The following DRP2 variants were observed in gnomAD, a reference collection of about 807,000 sequenced individuals.
DRP2 encodes the protein dystrophin-related protein 2.
DRP2 carries 29 observed loss-of-function variants against 78.2 expected under a neutral mutation model. The observed-to-expected ratio is 0.37, with a 90% confidence interval of 0.28 to 0.51. The LOEUF is 0.51. DRP2 is among the 20% of genes least tolerant of loss of function. DRP2 has a pLI of 0.94. For synonymous variants in DRP2, 290 were observed against 281.9 expected, an observed-to-expected ratio of 1.03 and a Z score of -0.29; for missense variants, 686 against 770.6, an observed-to-expected ratio of 0.89 and a Z score of 1.30.
At chrX:101,224,179 TGG>T (rs766472312) in intron 1 of DRP2, among the ~76,000 whole-genome samples, 1 of 70,126 alleles carries the variant, frequency 1.4e-5, no homozygotes, top group Non-Finnish European at 2.6e-5. Context: ...AAATGTTTGC[TGG>T]GTTTTTTTTG....
chrX:101,233,303 GC>G (rs1942526615), intron 3 of DRP2, among the ~76,000 whole-genome samples: 1 of 111,518 alleles, frequency 9.0e-6, no homozygotes, highest in South Asian at 3.8e-4. Flanking sequence ...GTCACAAGGG[GC>G]TTTTTCTAAC....
intron 17 of DRP2, among the ~76,000 whole-genome samples, chrX:101,253,992 A>T (rs930815427): frequency 6.4e-5 from 7 of 109,949 alleles, no homozygotes; most frequent in African/African-American, 1.0e-4. Context: ...TTTAAAGTAT[A>T]AAAAAAAGGC....
intron 1 of DRP2, among the ~76,000 whole-genome samples, chrX:101,224,220 T>TTTC (rs1569507531): frequency 7.1e-5 from 6 of 83,994 alleles, no homozygotes; most frequent in African/African-American, 2.3e-4. Flanking sequence ...TTTTTTTTTT[T>TTTC]TGAGATGGAG....
intron 9 of DRP2, among the ~76,000 whole-genome samples, chrX:101,243,664 CA>C (rs1922821043): frequency 8.9e-6 from 1 of 111,905 alleles, no homozygotes; most frequent in Admixed American, 9.5e-5. Context: ...CATCAGTAAA[CA>C]AAACACACAG....
chrX:101,263,084 C>T lies in DRP2; in HGVS notation c.*2463C>T, dbSNP rs1923619892. 1 of 111,427 alleles carries T rather than the reference C, an allele frequency of 9.0e-6. No homozygotes were observed. Among genetic ancestry groups the T allele is most frequent in the Non-Finnish European group, 1.9e-5 (1 of 53,099 alleles). 9.2% of individuals were successfully genotyped at this position (111,427 alleles called of 1,213,427 possible). ...CAGCAGGTCAAGAGTTGAATTCTCA[C>T]TAAGGGGTCACTGACATTTTGTGGT... On this transcript the variant is annotated 3_prime_UTR_variant, in exon 24 of 24. Transcript: ENST00000395209.
intron 11 of DRP2, among the ~76,000 whole-genome samples, chrX:101,245,814 G>T (rs1291092707): frequency 8.9e-6 from 1 of 111,808 alleles, no homozygotes; most frequent in Non-Finnish European, 1.9e-5. Flanking sequence ...ATACAAGATG[G>T]ATAAGTCCTA....
Position 101,226,325 on chromosome X carries a change from C to G in DRP2, c.-64+1619C>G, listed in dbSNP as rs770044212. Among the ~76,000 whole-genome samples the G allele has an allele frequency of 3.6e-5, 4 of 112,046 alleles. No homozygotes were observed. The South Asian group carries it at 1.5e-3, about 41-fold the overall frequency. ...TGCTGACATTGTACTTATTATTGTA[C>G]TTGTTTCAAATGCTAACATTGTACA... On this transcript the variant is annotated intron_variant, in intron 2 of 23. Transcript: ENST00000395209.
chrX:101,249,765 A>G (rs1923064878), intron 14 of DRP2, among the ~76,000 whole-genome samples: 1 of 111,621 alleles, frequency 9.0e-6, no homozygotes. Flanking sequence ...CCTCTGGAGG[A>G]GGTTTGCTAA....
chrX:101,243,994 A>G (rs1008378652), intron 9 of DRP2, among the ~76,000 whole-genome samples: 2 of 111,893 alleles, frequency 1.8e-5, no homozygotes, highest in African/African-American at 3.3e-5. Flanking sequence ...TGTCCAAGAA[A>G]CAGTAAGGAG....
At position 101,263,140 on chromosome X, in the gene DRP2, G is replaced by A. The variant is rs141938390; in HGVS notation, c.*2519G>A. 1.6e-4 allele frequency: 18 copies of A among 111,996 alleles called. No individual in the cohort carries two copies. In the East Asian group the frequency reaches 4.5e-3, roughly 28 times the overall value. 9.2% of individuals were successfully genotyped at this position (111,996 alleles called of 1,213,427 possible). A position where few individuals can be genotyped will look rare whatever the true frequency, so the allele number is the denominator to read the frequency against. Reference sequence around the variant, plus strand: ...GTTTACCTTAATGCCTAAGGTGAGTGTATTGTTCAAGGGTCCAGGGACAGT... The same window carrying A: ...GTTTACCTTAATGCCTAAGGTGAGTATATTGTTCAAGGGTCCAGGGACAGT... On this transcript the variant is annotated 3_prime_UTR_variant, in exon 24 of 24. Coordinates refer to ENST00000395209, the MANE Select transcript of DRP2 (RefSeq NM_001939.3).
chrX:101,233,071 A>C (rs996993756), intron 3 of DRP2, among the ~76,000 whole-genome samples: 1 of 112,297 alleles, frequency 8.9e-6, no homozygotes, highest in Admixed American at 9.4e-5. Flanking sequence ...TTGATAGGGA[A>C]GGAGAAAGAA....
chrX:101,230,396 GGCACCTGTAATCCCA>G (rs977706079), intron 2 of DRP2, among the ~76,000 whole-genome samples: 1 of 110,870 alleles, frequency 9.0e-6, no homozygotes, highest in Admixed American at 9.6e-5. Flanking sequence ...CATGGTGGCA[GGCACCTGTAATCCCA>G]GCTACTCAGG....
In DRP2 at chrX:101,256,202, G is replaced by C; in HGVS notation, c.2331G>C (p.Val777=). 1 of 1,207,837 alleles carries C rather than the reference G, an allele frequency of 8.3e-7. No homozygotes were observed. Among genetic ancestry groups the C allele is most frequent in the Non-Finnish European group, 1.1e-6 (1 of 893,875 alleles). Residue 777 remains valine, a synonymous_variant, in exon 21 of 24, where the codon GTG becomes GTC. Coordinates refer to ENST00000395209, the MANE Select transcript of DRP2 (RefSeq NM_001939.3). Reference sequence around the variant, plus strand: ...TTGGACAGCAGGCTCCATGCAGTGTGGCCACAGAAAGCAAAGGGGAGCTAC... The same window carrying C: ...TTGGACAGCAGGCTCCATGCAGTGTCGCCACAGAAAGCAAAGGGGAGCTAC... The part of the protein sequence containing the change: ...PAFGQQAPCS[V]ATESKGELQK...
At chrX:101,242,526 T>C (rs1922771022) in intron 8 of DRP2, 55 bp downstream of exon 8, 12 of 1,153,488 alleles carry the variant, frequency 1.0e-5, no homozygotes, top group Admixed American at 2.5e-5. Context: ...TAACTAGGCT[T>C]GGGGGAAACT....
intron 15 of DRP2, 77 bp from the exon 16 acceptor site, chrX:101,250,840 C>T: frequency 1.8e-6 from 2 of 1,139,817 alleles, no homozygotes; most frequent in South Asian, 2.0e-5. Flanking sequence ...GGTTCTCCTG[C>T]CCCTCTGAGG....
At position 101,262,478 on chromosome X, in the gene DRP2, C is replaced by T. The variant is rs1923593589; in HGVS notation, c.*1857C>T. 8.9e-6 allele frequency: 1 copy of T among 111,756 alleles called. No homozygotes were observed. Among genetic ancestry groups the T allele is most frequent in the Non-Finnish European group, 1.9e-5 (1 of 53,271 alleles). The allele number at this position is 111,756 out of a possible 1,213,427, so 9.2% of individuals were successfully genotyped here. A position where few individuals can be genotyped will look rare whatever the true frequency, so the allele number is the denominator to read the frequency against. On this transcript the variant is annotated 3_prime_UTR_variant, in exon 24 of 24. Transcript: ENST00000395209. Reference sequence around the variant, plus strand: ...TCTCACTCAGGGCTAAAGAAAGCAACAGTTGCCACCACAATCAGGAGGGAG... The same window carrying T: ...TCTCACTCAGGGCTAAAGAAAGCAATAGTTGCCACCACAATCAGGAGGGAG...
chrX:101,259,741 G>A (rs1017384717), intron 22 of DRP2, among the ~76,000 whole-genome samples: 46 of 111,705 alleles, frequency 4.1e-4, no homozygotes, highest in African/African-American at 1.4e-3. Context: ...CAGGTGATCC[G>A]CCTGCGTCAG....
At position 101,264,368 on chromosome X, in the gene DRP2, G is replaced by A. The variant is rs1339044986; in HGVS notation, c.*3747G>A. On this transcript the variant is annotated 3_prime_UTR_variant, in exon 24 of 24. Transcript: ENST00000395209. ...AGGATTTGGGGGAGGTGACAAGGGT[G>A]GCATGGAAGTCTAGGGGACAAAGGG... 2 of 111,845 alleles carry A rather than the reference G, an allele frequency of 1.8e-5. No individual in the cohort carries two copies. Among genetic ancestry groups the A allele is most frequent in the East Asian group, 2.8e-4 (1 of 3,550 alleles). The allele number at this position is 111,845 out of a possible 1,213,427, so 9.2% of individuals were successfully genotyped here.
At chrX:101,241,519 T>C (rs779595787) in intron 6 of DRP2, 149 bp from the exon 7 acceptor site, 4 of 600,006 alleles carry the variant, frequency 6.7e-6, no homozygotes, top group Non-Finnish European at 1.0e-5. Flanking sequence ...TGGAAAAATA[T>C]GTATTTGTGT....
Sources: allele counts gnomAD v4.1 joint callset (sites outside exome capture counted in the v4.1 genomes callset), GRCh38; gene constraint gnomAD v4.1.1; transcripts MANE v1.5; gene names NCBI Gene and HGNC (gene_info 2026-07-23, HGNC 2026-07-21).